AGTPBP1: variants seen among roughly 807,000 people sequenced by gnomAD.
AGTPBP1 encodes cytosolic carboxypeptidase 1.
Under a neutral mutation model 143.9 loss-of-function variants are expected in AGTPBP1, and 70 were observed. That is an observed-to-expected ratio of 0.49 (90% CI 0.40 to 0.59). AGTPBP1 has a LOEUF of 0.59. Among genes scored for constraint, AGTPBP1 ranks in the 20% least tolerant of loss-of-function variants. AGTPBP1 has a pLI of 0.00. For missense variants in AGTPBP1, 1,229 were observed against 1,464.5 expected (o/e 0.84, Z 2.62); for synonymous variants, 463 against 500.2 (o/e 0.93, Z 0.99).
At chr9:85,690,385 A>G (rs981477468) in intron 3 of AGTPBP1, among the ~76,000 whole-genome samples, 11 of 152,224 alleles carry the variant, frequency 7.2e-5, no homozygotes, top group African/African-American at 2.7e-4. Context: ...ATACACCCCA[A>G]GGGACAGTAT....
chr9:85,790,047 G>T, the AGTPBP1 span, among the ~76,000 whole-genome samples: 1 of 151,938 alleles, frequency 6.6e-6, no homozygotes, highest in African/African-American at 2.4e-5. Context: ...CAACTTCATT[G>T]GACTTTTTAA....
intron 23 of AGTPBP1, among the ~76,000 whole-genome samples, chr9:85,582,531 T>C (rs1164059295): frequency 6.6e-6 from 1 of 151,880 alleles, no homozygotes; most frequent in Non-Finnish European, 1.5e-5. Flanking sequence ...ACAAAAAATA[T>C]TAGCTAGGAG....
intron 3 of AGTPBP1, among the ~76,000 whole-genome samples, chr9:85,682,172 TAAAAAAA>T (rs745339958): frequency 9.3e-5 from 8 of 85,826 alleles, no homozygotes; most frequent in East Asian, 4.0e-4. Flanking sequence ...TAGGATTGGT[TAAAAAAA>T]AAAAAAAAAA....
At chr9:85,802,212 C>G in the AGTPBP1 span, among the ~76,000 whole-genome samples, 4 of 152,158 alleles carry the variant, frequency 2.6e-5, no homozygotes, top group African/African-American at 9.7e-5. Flanking sequence ...TCTTCAACCT[C>G]ATCAAAAACA....
At chr9:85,707,547 G>A (rs947164616) in intron 2 of AGTPBP1, among the ~76,000 whole-genome samples, 9 of 151,938 alleles carry the variant, frequency 5.9e-5, no homozygotes, top group Admixed American at 2.0e-4. Context: ...GAAAAGTAAC[G>A]TCACTATAAA....
At chr9:85,713,509 C>A (rs1266246525) in intron 1 of AGTPBP1, among the ~76,000 whole-genome samples, 1 of 151,990 alleles carries the variant, frequency 6.6e-6, no homozygotes, top group African/African-American at 2.4e-5. Context: ...CCAGCCTAGG[C>A]GACAAGAGCG....
chr9:85,794,547 C>G, the AGTPBP1 span, among the ~76,000 whole-genome samples: 1 of 152,172 alleles, frequency 6.6e-6, no homozygotes, highest in Non-Finnish European at 1.5e-5. Context: ...ACCACACTGT[C>G]TTGATTATGT....
At chr9:85,784,974 C>T in the AGTPBP1 span, among the ~76,000 whole-genome samples, 1 of 152,130 alleles carries the variant, frequency 6.6e-6, no homozygotes, top group African/African-American at 2.4e-5. Context: ...CCAAGCAAAC[C>T]ATGTCTATGG....
chr9:85,773,628 G>A, the AGTPBP1 span, among the ~76,000 whole-genome samples: 4 of 152,050 alleles, frequency 2.6e-5, no homozygotes, highest in Non-Finnish European at 5.9e-5. Flanking sequence ...GTGAGCCACC[G>A]TGCCTGGCCT....
chr9:85,663,344 T>C (rs995428760), intron 8 of AGTPBP1, among the ~76,000 whole-genome samples: 1 of 152,100 alleles, frequency 6.6e-6, no homozygotes, highest in Non-Finnish European at 1.5e-5. Flanking sequence ...GAAATCCTCA[T>C]AACTCATGGG....
rs147500747 is a variant in AGTPBP1, at chr9:85,586,831, C to G, written c.3033G>C (p.Leu1011Phe). The G allele has an allele frequency of 2.6e-4, 423 of 1,612,306 alleles. 2 individuals are homozygous for G. In the East Asian group the frequency reaches 8.5e-3, roughly 33 times the overall value. Residue 1011 changes from leucine (L) to phenylalanine (F), a missense_variant and splice_region_variant, in exon 22 of 26, where the codon TTG (leucine) becomes TTC (phenylalanine). Physicochemically the swap from Leu to Phe is conservative, Grantham distance 22 (BLOSUM62 0). Transcript: ENST00000357081. ...AGTAAAAACAAGTATTGCTACTTAC[C>G]AAGGGTAAACGCTTCACTGCAGCCA... ...QYLAAVKRLP[L>F]VYCDYHGHSR...
intron 17 of AGTPBP1, among the ~76,000 whole-genome samples, chr9:85,605,826 C>T (rs1829956556): frequency 6.6e-6 from 1 of 151,922 alleles, no homozygotes; most frequent in Non-Finnish European, 1.5e-5. Flanking sequence ...TCCATGTTGT[C>T]ATCAGTTTAA....
intron 1 of AGTPBP1, among the ~76,000 whole-genome samples, chr9:85,735,356 G>A (rs1839174752): frequency 6.6e-6 from 1 of 152,150 alleles, no homozygotes; most frequent in African/African-American, 2.4e-5. Context: ...AAATAGAACA[G>A]TGCCTGCCAG....
At position 85,632,770 on chromosome 9, in the gene AGTPBP1, T is replaced by C. The variant is rs147183301; in HGVS notation, c.1907A>G (p.Asn636Ser). Residue 636 changes from asparagine (N) to serine (S), a missense_variant, in exon 14 of 26, where the codon AAT (asparagine) becomes AGT (serine). Physicochemically the swap from Asn to Ser is conservative, Grantham distance 46 (BLOSUM62 1). Coordinates refer to ENST00000357081, the MANE Select transcript of AGTPBP1 (RefSeq NM_001330701.2). ...TGAATATTCTGGGACAGACTTCGTA[T>C]TTTTCACAATCTCAATATAGAGGTC... ...DPDLYIEIVK[N>S]TKSVPEYSEV... The C allele has an allele frequency of 6.9e-5, 111 of 1,614,146 alleles. No homozygotes were observed. In the African/African-American group the frequency reaches 1.2e-3, roughly 17 times the overall value.
chr9:85,767,331 A>C, the AGTPBP1 span, among the ~76,000 whole-genome samples: 1 of 148,200 alleles, frequency 6.7e-6, no homozygotes, highest in Non-Finnish European at 1.5e-5. Flanking sequence ...ACAGATGTGC[A>C]CTACCATGCC....
At chr9:85,700,827 A>T (rs1836593347) in intron 2 of AGTPBP1, among the ~76,000 whole-genome samples, 1 of 152,218 alleles carries the variant, frequency 6.6e-6, no homozygotes, top group African/African-American at 2.4e-5. Context: ...AATAAGCTTG[A>T]ATATTTAGCC....
At chr9:85,653,094 T>C (rs908135530) in intron 11 of AGTPBP1, among the ~76,000 whole-genome samples, 4 of 151,968 alleles carry the variant, frequency 2.6e-5, no homozygotes, top group Non-Finnish European at 5.9e-5. Flanking sequence ...AAACATATAA[T>C]GAAGCCTGAC....
intron 17 of AGTPBP1, among the ~76,000 whole-genome samples, chr9:85,617,815 G>A (rs927824150): frequency 6.6e-6 from 1 of 152,050 alleles, no homozygotes; most frequent in Non-Finnish European, 1.5e-5. Flanking sequence ...GATAGTAAGA[G>A]AATACCACAA....
At chr9:85,745,119 A>T (rs905729537), upstream of AGTPBP1, among the ~76,000 whole-genome samples, 4 of 152,176 alleles carry the variant, frequency 2.6e-5, no homozygotes, top group African/African-American at 9.7e-5. Flanking sequence ...GGGGAGAGAG[A>T]GGTGAACATT....
Sources: allele counts gnomAD v4.1 joint callset (sites outside exome capture counted in the v4.1 genomes callset), GRCh38; gene constraint gnomAD v4.1.1; transcripts MANE v1.5; gene names NCBI Gene and HGNC (gene_info 2026-07-23, HGNC 2026-07-21).